GNG7: variants seen among roughly 807,000 people sequenced by gnomAD.
GNG7 encodes the protein guanine nucleotide-binding protein G(I)/G(S)/G(O) subunit gamma-7.
A neutral mutation model predicts 4.0 loss-of-function variants in GNG7; 1 was observed. The observed-to-expected ratio is 0.25, with a 90% CI of 0.09 to 1.18. GNG7 has a LOEUF of 1.18. Ranked by LOEUF, GNG7 falls within the 50% of genes most tolerant of loss-of-function variation. GNG7 has a pLI of 0.50. For missense variants in GNG7, 86 were observed against 91.9 expected (o/e 0.94, Z 0.26); for synonymous variants, 34 against 36.9 (o/e 0.92, Z 0.29).
At chr19:2,560,101 G>A (rs1034066470) in intron 2 of GNG7, among the ~76,000 whole-genome samples, 4 of 151,674 alleles carry the variant, frequency 2.6e-5, no homozygotes, top group Admixed American at 6.6e-5. Context: ...GGGAACGCAC[G>A]TCCATGACTC....
At chr19:2,621,440 G>A (rs1421629275) in intron 2 of GNG7, among the ~76,000 whole-genome samples, 1 of 151,980 alleles carries the variant, frequency 6.6e-6, no homozygotes, top group Admixed American at 6.6e-5. Flanking sequence ...GCTCACTCCT[G>A]TAATCCCAGC....
chr19:2,564,076 T>TA (rs1457572741), intron 2 of GNG7, among the ~76,000 whole-genome samples: 1 of 152,242 alleles, frequency 6.6e-6, no homozygotes, highest in East Asian at 1.9e-4. Flanking sequence ...AACAGGAGTG[T>TA]AGCTAATTTT....
intron 2 of GNG7, among the ~76,000 whole-genome samples, chr19:2,578,293 G>A (rs1272869310): frequency 6.6e-6 from 1 of 152,060 alleles, no homozygotes; most frequent in East Asian, 1.9e-4. Flanking sequence ...GGGGGCCCTC[G>A]GAGAACCCAA....
intron 1 of GNG7, among the ~76,000 whole-genome samples, chr19:2,651,324 T>G: frequency 2.2e-5 from 1 of 46,498 alleles, no homozygotes; most frequent in South Asian, 1.4e-3. Context: ...CCTCCCTCCC[T>G]CCCTCCCTAC....
At chr19:2,670,009 CAAAAA>C (rs796312127) in intron 1 of GNG7, among the ~76,000 whole-genome samples, 1 of 78,092 alleles carries the variant, frequency 1.3e-5, no homozygotes. Context: ...GACTCTGTCT[CAAAAA>C]AAAAAAAAAA....
At chr19:2,542,407 C>T (rs1049414699) in intron 3 of GNG7, among the ~76,000 whole-genome samples, 17 of 152,120 alleles carry the variant, frequency 1.1e-4, no homozygotes, top group African/African-American at 3.1e-4. Context: ...CGAGTCACCG[C>T]GCCTGGCCTG....
At chr19:2,588,283 C>T (rs1263517186) in intron 2 of GNG7, among the ~76,000 whole-genome samples, 2 of 152,246 alleles carry the variant, frequency 1.3e-5, no homozygotes, top group East Asian at 1.9e-4. Flanking sequence ...TGGGAGAGTC[C>T]GGCTGAATTG....
At chr19:2,659,607 AAAAAG>A (rs1356385150) in intron 1 of GNG7, among the ~76,000 whole-genome samples, 2 of 141,890 alleles carry the variant, frequency 1.4e-5, no homozygotes, top group African/African-American at 5.3e-5. Context: ...AAAAAAAAAA[AAAAAG>A]AGAGGAGGGG....
At chr19:2,560,510 G>A (rs1211053345) in intron 2 of GNG7, among the ~76,000 whole-genome samples, 1 of 152,090 alleles carries the variant, frequency 6.6e-6, no homozygotes, top group East Asian at 1.9e-4. Context: ...GCTCCCAGGG[G>A]ACCCTGGGCG....
At chr19:2,688,403 G>A (rs1913051541) in intron 1 of GNG7, among the ~76,000 whole-genome samples, 3 of 152,196 alleles carry the variant, frequency 2.0e-5, no homozygotes, top group African/African-American at 7.2e-5. Flanking sequence ...GGCCACCTGG[G>A]CTGGGAGAAC....
chr19:2,513,377 G>A lies in GNG7; in HGVS notation c.*1645C>T, dbSNP rs1972683185. 1.9e-6 allele frequency: 1 copy of A among 530,360 alleles called. No homozygotes were observed. Among genetic ancestry groups the A allele is most frequent in the Non-Finnish European group, 2.4e-6 (1 of 414,158 alleles). The allele number at this position is 530,360 out of a possible 1,614,324, so 32.9% of individuals were successfully genotyped here. A position where few individuals can be genotyped will look rare whatever the true frequency, so the allele number is the denominator to read the frequency against. ...CAGCCCCGTGGAGGGGGTCGGGGCG[G>A]CCAGGCCTCCTGCGATCAGGGCTGC... On this transcript the variant is annotated 3_prime_UTR_variant, in exon 5 of 5. Coordinates refer to ENST00000382159, the MANE Select transcript of GNG7 (RefSeq NM_052847.3).
chr19:2,652,162 G>A (rs563707445), intron 1 of GNG7, among the ~76,000 whole-genome samples: 8 of 151,726 alleles, frequency 5.3e-5, no homozygotes, highest in Middle Eastern at 3.4e-3. Flanking sequence ...ACGGCTAAGC[G>A]AGACTCCGTC....
At position 2,639,104 on chromosome 19, in the gene GNG7, G is replaced by C. The variant is rs144804720; in HGVS notation, c.-78+7120C>G. Among the ~76,000 whole-genome samples, 953 of 152,034 alleles carry C rather than the reference G, an allele frequency of 6.3e-3. 16 individuals are homozygous for C. Among genetic ancestry groups the C allele is most frequent in the African/African-American group, 0.022 (908 of 41,442 alleles). On this transcript the variant is annotated intron_variant, in intron 2 of 4. Transcript: ENST00000382159. ...ATACAAAAATTAGCTGGGCATGGTG[G>C]CGAACACCTGCAATCCCAGCTTGGG... is the stretch of plus-strand genomic sequence containing the variant.
intron 4 of GNG7, among the ~76,000 whole-genome samples, chr19:2,515,876 A>G (rs12985186): frequency 0.49 from 74,784 of 151,572 alleles, 18,930 homozygotes; most frequent in East Asian, 0.6. Context: ...ACGTGATTGG[A>G]TGCACAGCAT....
Position 2,617,477 on chromosome 19 carries a change from GTTC to G in GNG7, c.-78+28744_-78+28746del, listed in dbSNP as rs1210635776. Among the ~76,000 whole-genome samples the G allele has an allele frequency of 2.0e-5, 3 of 152,082 alleles. No individual in the cohort carries two copies. Among genetic ancestry groups the G allele is most frequent in the African/African-American group, 7.2e-5 (3 of 41,428 alleles). On this transcript the variant is annotated intron_variant, in intron 2 of 4. Transcript: ENST00000382159. This position sits in a 1 kb window ranked among gnomAD's most constrained non-coding sequence, Gnocchi z 4.7. ...ACATTCTGCCATGATGCTTCAGACT[GTTC>G]TTCTCCCCATCCTCCTCTCCACCTC...
intron 2 of GNG7, among the ~76,000 whole-genome samples, chr19:2,578,361 C>T (rs1020334894): frequency 5.9e-5 from 9 of 152,146 alleles, no homozygotes; most frequent in African/African-American, 2.2e-4. Context: ...GCCCTGTTCT[C>T]TACTATGTTA....
chr19:2,625,195 A>C (rs1981986329), intron 2 of GNG7, among the ~76,000 whole-genome samples: 1 of 152,112 alleles, frequency 6.6e-6, no homozygotes, highest in Non-Finnish European at 1.5e-5. Flanking sequence ...CAGCCTCCCG[A>C]ATAGCTGGGA....
intron 2 of GNG7, among the ~76,000 whole-genome samples, chr19:2,641,660 T>C (rs1176913724): frequency 6.6e-6 from 1 of 152,080 alleles, no homozygotes; most frequent in African/African-American, 2.4e-5. Flanking sequence ...AGACTTCTTT[T>C]TTTTTTATTT....
At chr19:2,644,137 C>T (rs1290819540) in intron 2 of GNG7, among the ~76,000 whole-genome samples, 1 of 151,862 alleles carries the variant, frequency 6.6e-6, no homozygotes, top group Non-Finnish European at 1.5e-5. Context: ...CCTCCCACCT[C>T]AGCCCCCCAA....
Sources: gnomAD v4.1 joint callset for allele counts (sites outside exome capture counted in the v4.1 genomes callset) on GRCh38, gnomAD v4.1.1 for gene constraint, Gnocchi (gnomAD v3.1) non-coding constraint, MANE v1.5 for transcripts, NCBI Gene and HGNC (gene_info 2026-07-23, HGNC 2026-07-21) for gene names.